Variants in KREMEN1 observed in about 807,000 individuals in gnomAD.
KREMEN1 encodes the protein kringle containing transmembrane protein 1.
In KREMEN1, 30 loss-of-function variants were observed where a neutral mutation model predicts 46.5. The observed-to-expected ratio is 0.65, with a 90% CI of 0.48 to 0.88. The LOEUF is 0.88. Ranked by LOEUF, KREMEN1 falls within the 40% of genes least tolerant of loss-of-function variation. The pLI, the probability that KREMEN1 is intolerant of heterozygous loss-of-function variation, is 0.00. For missense variants in KREMEN1, 533 were observed against 596.9 expected, an observed-to-expected ratio of 0.89 and a Z score of 1.11; for synonymous variants, 214 against 230.6, an observed-to-expected ratio of 0.93 and a Z score of 0.65.
In KREMEN1 at chr22:29,073,249, C is replaced by T. The variant is rs1161731914; in HGVS notation, c.97+22C>T. On this transcript the variant is annotated intron_variant, in intron 1 of 8. Transcript: ENST00000400335. The surrounding 1 kb of genome is among the most constrained non-coding windows in gnomAD (Gnocchi z 4.4). The stretch of plus-strand genomic sequence containing the variant: ...CCCGGTGAGTGTGAGCGACCCCCCG[C>T]CGCCCGCCCTGAGCGGAGCCCACTC... The T allele has an allele frequency of 9.3e-7, 1 of 1,079,362 alleles. No individual in the cohort carries two copies. Among genetic ancestry groups the T allele is most frequent in the Non-Finnish European group, 1.2e-6 (1 of 863,572 alleles). 66.9% of individuals were successfully genotyped at this position (1,079,362 alleles called of 1,614,324 possible). A position where few individuals can be genotyped will look rare whatever the true frequency, so the allele number is the denominator to read the frequency against.
intron 5 of KREMEN1, among the ~76,000 whole-genome samples, chr22:29,130,236 A>G (rs902973448): frequency 1.3e-5 from 2 of 152,242 alleles, no homozygotes; most frequent in Non-Finnish European, 2.9e-5. Flanking sequence ...TCCCACAGAT[A>G]AAGATCCTGC....
intron 3 of KREMEN1, among the ~76,000 whole-genome samples, chr22:29,104,597 TAAATA>T (rs1179900739): frequency 5.9e-5 from 9 of 152,322 alleles, no homozygotes; most frequent in Non-Finnish European, 4.4e-5. Context: ...TTAAAGTTAG[TAAATA>T]AAGTTTAAAA....
intron 3 of KREMEN1, among the ~76,000 whole-genome samples, chr22:29,115,368 C>T (rs2038221320): frequency 1.3e-5 from 2 of 151,874 alleles, no homozygotes; most frequent in South Asian, 4.1e-4. Flanking sequence ...ACCAAAATCT[C>T]ACAAATCAAA....
rs185757292 is a variant in KREMEN1, at chr22:29,117,882, C to T, written c.353-3475C>T. On this transcript the variant is annotated intron_variant, in intron 3 of 8. Coordinates refer to ENST00000400335, the MANE Select transcript of KREMEN1 (RefSeq NM_001039570.3). Reference sequence around the variant, plus strand: ...GTATTATAAGGTATATTATCTATTGCTGCCTAACAAATTACCTCAAAACTT... The same window carrying T: ...GTATTATAAGGTATATTATCTATTGTTGCCTAACAAATTACCTCAAAACTT... 3.8e-3 allele frequency among the ~76,000 whole-genome samples: 575 copies of T among 152,290 alleles called. 1 individual carries two copies. The highest frequency in any genetic ancestry group is 6.2e-3 in the Non-Finnish European group (423 of 68,028).
In KREMEN1 at chr22:29,094,805, A is replaced by G. The variant is rs369358822; in HGVS notation, c.260+385A>G. On this transcript the variant is annotated intron_variant, in intron 2 of 8. Coordinates refer to ENST00000400335, the MANE Select transcript of KREMEN1 (RefSeq NM_001039570.3). ...CGCCCGGCTAATTTTTCGTGTTTTT[A>G]GTAGAGACAGGGTTTCAACCGTGTT... 5.9e-5 allele frequency among the ~76,000 whole-genome samples: 9 copies of G among 151,874 alleles called. No individual in the cohort carries two copies. In the East Asian group the frequency reaches 1.6e-3, roughly 26 times the overall value.
chr22:29,141,846 C>T, intron 8 of KREMEN1, 98 bp from the exon 9 acceptor site: 1 of 971,052 alleles, frequency 1.0e-6, no homozygotes, highest in Middle Eastern at 2.4e-4. Context: ...CTTCCCAAGA[C>T]CTTGCCCCAC....
chr22:29,080,360 A>G (rs754057780), intron 1 of KREMEN1, among the ~76,000 whole-genome samples: 5 of 152,244 alleles, frequency 3.3e-5, no homozygotes, highest in Non-Finnish European at 7.3e-5. Flanking sequence ...GAATCACTCA[A>G]CTTCCAAATG....
exon 10 of KREMEN1, chr22:29,167,786 C>T (rs147795094): frequency 1.3e-5 from 2 of 152,222 alleles, no homozygotes; most frequent in African/African-American, 2.4e-5. Context: ...GCCTGTATCT[C>T]GCTGGGGGAC....
chr22:29,145,864 C>T lies in KREMEN1; in HGVS notation c.*3752C>T, dbSNP rs1424228039. The T allele has an allele frequency of 9.1e-6, 9 of 985,592 alleles. No homozygotes were observed. The East Asian group carries it at 4.5e-4, about 50-fold the overall frequency. 61.1% of individuals were successfully genotyped at this position (985,592 alleles called of 1,614,324 possible). ...TAGCAAGTTCAGCTGTCCTGGCCCT[C>T]GGGTAGAACCCACGGGCGTGCCTGG... On this transcript the variant is annotated 3_prime_UTR_variant, in exon 9 of 9. Transcript: ENST00000400335.
In KREMEN1 at chr22:29,073,171, C is replaced by T. The variant is rs1010730818; in HGVS notation, c.41C>T (p.Ala14Val). 9.0e-5 allele frequency: 105 copies of T among 1,168,684 alleles called. No individual in the cohort carries two copies. The African/African-American group carries it at 1.6e-3, about 18-fold the overall frequency. 72.4% of individuals were successfully genotyped at this position (1,168,684 alleles called of 1,614,324 possible). A position where few individuals can be genotyped will look rare whatever the true frequency, so the allele number is the denominator to read the frequency against. ...GCCCGCCTCGCCCTGCTCTCCGCCG[C>T]GGCGCTCACGCTGGCGGCCCGGCCC... ...PAARLALLSA[A>V]ALTLAARPAP... Residue 14 changes from alanine (A) to valine (V), a missense_variant, in exon 1 of 9, where the codon GCG becomes GTG. Coordinates refer to ENST00000400335, the MANE Select transcript of KREMEN1 (RefSeq NM_001039570.3). The surrounding 1 kb of genome is among the most constrained non-coding windows in gnomAD (Gnocchi z 4.4).
chr22:29,136,900 G>A (rs994513076), intron 5 of KREMEN1, among the ~76,000 whole-genome samples: 1 of 152,148 alleles, frequency 6.6e-6, no homozygotes, highest in African/African-American at 2.4e-5. Context: ...TTACCTCATC[G>A]GGTGGCTTCC....
intron 3 of KREMEN1, among the ~76,000 whole-genome samples, chr22:29,119,765 T>C (rs2038300571): frequency 6.6e-6 from 1 of 152,244 alleles, no homozygotes; most frequent in South Asian, 2.1e-4. Context: ...GATGTGTGGC[T>C]GTGAAACACT....
downstream of KREMEN1, among the ~76,000 whole-genome samples, chr22:29,147,602 G>T (rs2038881812): frequency 6.6e-6 from 1 of 152,172 alleles, no homozygotes; most frequent in Non-Finnish European, 1.5e-5. Context: ...GGGTTTCAGC[G>T]GAGGAGTGAC....
In KREMEN1 at chr22:29,142,489, T is replaced by C; in HGVS notation, c.*377T>C. ...GCTGTCAGGTGGTGGGTAGCTTTAG[T>C]TACATTGAATTTTTCTTGCTTCTCT... On this transcript the variant is annotated 3_prime_UTR_variant, in exon 9 of 9. Transcript: ENST00000400335. 1 of 1,004,500 alleles carries C rather than the reference T, an allele frequency of 1.0e-6. No individual in the cohort carries two copies. The highest frequency in any genetic ancestry group is 1.2e-6 in the Non-Finnish European group (1 of 843,020). 62.2% of individuals were successfully genotyped at this position (1,004,500 alleles called of 1,614,324 possible).
At chr22:29,131,959 G>A (rs1391922339) in intron 5 of KREMEN1, among the ~76,000 whole-genome samples, 233 of 123,368 alleles carry the variant, frequency 1.9e-3, no homozygotes, top group African/African-American at 6.5e-3. Context: ...AGCAACCTCC[G>A]CCTCCCTGGT....
At position 29,141,970 on chromosome 22, in the gene KREMEN1, A is replaced by C; in HGVS notation, c.1235A>C (p.Asp412Ala). Residue 412 changes from aspartate to alanine, a missense_variant, in exon 9 of 9, where the codon GAC becomes GCC. By Grantham distance (126) the Asp-to-Ala change is moderately radical (BLOSUM62 -2). Coordinates refer to ENST00000400335, the MANE Select transcript of KREMEN1 (RefSeq NM_001039570.3). ...TCCCATCGTGTTCCTGCTTCAGGGG[A>C]CCTTAGGGATTGTCATCAACCAGGG... ...FKSHRVPASG[D>A]LRDCHQPGTS... is the part of the protein sequence containing the mutation. 1 of 1,608,172 alleles carries C rather than the reference A, an allele frequency of 6.2e-7. No individual in the cohort carries two copies. Among genetic ancestry groups the C allele is most frequent in the East Asian group, 2.2e-5 (1 of 44,710 alleles).
chr22:29,109,478 G>A (rs2038110307), intron 3 of KREMEN1, among the ~76,000 whole-genome samples: 2 of 152,288 alleles, frequency 1.3e-5, no homozygotes, highest in South Asian at 4.1e-4. Flanking sequence ...AAGACAAGAG[G>A]ACTCAGTAAA....
intron 1 of KREMEN1, among the ~76,000 whole-genome samples, chr22:29,090,555 A>G (rs2037789707): frequency 6.6e-6 from 1 of 152,220 alleles, no homozygotes. Context: ...CACGATAGAA[A>G]ACAGTGTGGA....
chr22:29,156,828 A>G (rs996550145), intron 9 of KREMEN1, among the ~76,000 whole-genome samples: 6 of 152,308 alleles, frequency 3.9e-5, no homozygotes, highest in Non-Finnish European at 8.8e-5. Context: ...GCTCAACTCT[A>G]CATACGGTGC....
Sources: allele counts gnomAD v4.1 joint callset (sites outside exome capture counted in the v4.1 genomes callset), GRCh38; gene constraint gnomAD v4.1.1; non-coding constraint Gnocchi (gnomAD v3.1); transcripts MANE v1.5; gene names NCBI Gene and HGNC (gene_info 2026-07-23, HGNC 2026-07-21).